CLIP1: variants seen among roughly 807,000 people sequenced by gnomAD.
CLIP1 encodes the protein CAP-Gly domain-containing linker protein 1.
CLIP1 carries 66 observed loss-of-function variants against 161.6 expected under a neutral mutation model. The observed-to-expected ratio is 0.41, with a 90% CI of 0.33 to 0.50. The LOEUF is 0.50. CLIP1 is among the 20% of genes least tolerant of loss of function. CLIP1 has a pLI of 0.27. For synonymous variants in CLIP1, 598 were observed against 626.2 expected, an observed-to-expected ratio of 0.96 and a Z score of 0.67; for missense variants, 1,376 against 1,702.0, an observed-to-expected ratio of 0.81 and a Z score of 3.37.
At position 122,356,621 on chromosome 12, in the gene CLIP1, TCTCTCC is replaced by T. The variant is rs1308095826; in HGVS notation, c.1006-1315_1006-1310del. 5.3e-5 allele frequency among the ~76,000 whole-genome samples: 8 copies of T among 151,716 alleles called. No homozygotes were observed. The East Asian group carries it at 7.8e-4, about 15-fold the overall frequency. ...GTCCCTCTCCCTCTCTCCCTCTCCC[TCTCTCC>T]CTCTCCCTCTCCCCACGGTCTCCCT... On this transcript the variant is annotated intron_variant, in intron 5 of 25. Transcript: ENST00000620786.
At chr12:122,341,892 T>C in intron 10 of CLIP1, 195 bp from the exon 11 acceptor site, 1 of 381,692 alleles carries the variant, frequency 2.6e-6, no homozygotes, top group Non-Finnish European at 4.6e-6. Flanking sequence ...CAGGCGATTC[T>C]CCTGCCTCAG....
chr12:122,392,229 C>T (rs56863652), intron 1 of CLIP1, among the ~76,000 whole-genome samples: 15,536 of 152,126 alleles, frequency 0.1, 1,264 homozygotes, highest in East Asian at 0.45. Flanking sequence ...TATGATTACA[C>T]GACTGCACTC....
At position 122,323,574 on chromosome 12, in the gene CLIP1, G is replaced by C. The variant is rs779977840; in HGVS notation, c.3250-4226C>G. On this transcript the variant is annotated intron_variant, in intron 17 of 25. Transcript: ENST00000620786. The surrounding 1 kb of genome is among the most constrained non-coding windows in gnomAD (Gnocchi z 4.1). ...CCACTGGCTTCTGAGCGGAGCAGCT[G>C]TTTGACCTGGAGAGCGGCCTGGAGG... 6.5e-6 allele frequency: 1 copy of C among 152,736 alleles called. No homozygotes were observed. Among genetic ancestry groups the C allele is most frequent in the Non-Finnish European group, 1.5e-5 (1 of 68,104 alleles). 9.5% of individuals were successfully genotyped at this position (152,736 alleles called of 1,614,324 possible).
At chr12:122,399,803 A>T (rs1016037124) in intron 1 of CLIP1, 2 of 152,176 alleles carry the variant, frequency 1.3e-5, no homozygotes, top group Non-Finnish European at 2.9e-5. Context: ...GCACTCGCAG[A>T]CTTCGGAGCC....
At chr12:122,297,045 C>T (rs1035750204) in intron 20 of CLIP1, among the ~76,000 whole-genome samples, 1 of 151,266 alleles carries the variant, frequency 6.6e-6, no homozygotes, top group Non-Finnish European at 1.5e-5. Flanking sequence ...TAAAAAAGAA[C>T]ATGGATATGT....
intron 1 of CLIP1, among the ~76,000 whole-genome samples, chr12:122,394,488 C>CAAAA (rs66683857): frequency 7.1e-4 from 41 of 57,572 alleles, no homozygotes; most frequent in African/African-American, 1.6e-3. Flanking sequence ...GACGCTGTCT[C>CAAAA]AAAAAAAAAA....
intron 18 of CLIP1, among the ~76,000 whole-genome samples, chr12:122,317,368 A>C (rs1030894589): frequency 5.9e-5 from 9 of 152,206 alleles, no homozygotes; most frequent in Non-Finnish European, 1.2e-4. Context: ...ACTGGAAAAA[A>C]ATTTAGTTAC....
chr12:122,278,440 T>C (rs1955519944), intron 23 of CLIP1: 1 of 567,152 alleles, frequency 1.8e-6, no homozygotes, highest in African/African-American at 1.9e-5. Context: ...TGCTAACTCC[T>C]GGGTTAGAAT....
chr12:122,321,557 C>CA (rs1004086325), intron 17 of CLIP1, among the ~76,000 whole-genome samples: 1 of 145,144 alleles, frequency 6.9e-6, no homozygotes, highest in Non-Finnish European at 1.5e-5. Context: ...CTCGCTCTGT[C>CA]AACCAGGCTG....
intron 1 of CLIP1, among the ~76,000 whole-genome samples, chr12:122,391,217 G>C (rs1167687758): frequency 6.6e-6 from 1 of 152,062 alleles, no homozygotes; most frequent in East Asian, 1.9e-4. Context: ...GAATCCAGGA[G>C]GCAGGATCTG....
chr12:122,318,167 T>C (rs1248159270), intron 18 of CLIP1, among the ~76,000 whole-genome samples: 1 of 152,228 alleles, frequency 6.6e-6, no homozygotes, highest in Non-Finnish European at 1.5e-5. Flanking sequence ...GCCTGGTCTT[T>C]ACAGTGGCTC....
At chr12:122,326,500 C>T (rs1275078757) in intron 17 of CLIP1, among the ~76,000 whole-genome samples, 2 of 152,136 alleles carry the variant, frequency 1.3e-5, no homozygotes, top group East Asian at 1.9e-4. Flanking sequence ...AGCAACATAG[C>T]GAGACTCTGT....
chr12:122,308,807 C>G (rs1950968960), intron 20 of CLIP1, among the ~76,000 whole-genome samples: 1 of 152,146 alleles, frequency 6.6e-6, no homozygotes, highest in African/African-American at 2.4e-5. Flanking sequence ...TCCACAAAAG[C>G]AACAATGAAG....
chr12:122,335,075 A>C (rs1952155128), intron 12 of CLIP1, among the ~76,000 whole-genome samples: 1 of 152,250 alleles, frequency 6.6e-6, no homozygotes, highest in African/African-American at 2.4e-5. Flanking sequence ...AATCTGTGTG[A>C]AATGGTGAAC....
At chr12:122,405,791 G>A (rs959997585) in intron 1 of CLIP1, among the ~76,000 whole-genome samples, 2 of 145,618 alleles carry the variant, frequency 1.4e-5, no homozygotes, top group Admixed American at 6.8e-5. Flanking sequence ...AACAGCAGCC[G>A]GGTGTGGTTG....
chr12:122,413,985 A>G (rs1175779422), intron 1 of CLIP1, among the ~76,000 whole-genome samples: 1 of 152,010 alleles, frequency 6.6e-6, no homozygotes, highest in African/African-American at 2.4e-5. Flanking sequence ...GGCTAATTAC[A>G]CTCTGACAAA....
intron 1 of CLIP1, among the ~76,000 whole-genome samples, chr12:122,415,486 A>C (rs1193378210): frequency 6.7e-6 from 1 of 150,016 alleles, no homozygotes; most frequent in Admixed American, 6.7e-5. Context: ...CATCTCAAAA[A>C]AAAAAAAAAA....
intron 1 of CLIP1, among the ~76,000 whole-genome samples, chr12:122,410,596 T>G (rs1956492546): frequency 6.6e-6 from 1 of 151,724 alleles, no homozygotes; most frequent in Non-Finnish European, 1.5e-5. Flanking sequence ...GTAGCTGGGA[T>G]TACAGGCACG....
chr12:122,330,050 G>A (rs754377068), intron 15 of CLIP1, among the ~76,000 whole-genome samples: 14 of 152,134 alleles, frequency 9.2e-5, no homozygotes, highest in East Asian at 1.9e-4. Flanking sequence ...CCAGAAGGTG[G>A]AGGTTGCGGT....
Sources: allele counts gnomAD v4.1 joint callset (sites outside exome capture counted in the v4.1 genomes callset), GRCh38; gene constraint gnomAD v4.1.1; non-coding constraint Gnocchi (gnomAD v3.1); transcripts MANE v1.5; gene names NCBI Gene and HGNC (gene_info 2026-07-23, HGNC 2026-07-21).